Variants in IGF2R observed in about 807,000 individuals in gnomAD.
The protein encoded by IGF2R is insulin like growth factor 2 receptor.
Under a neutral mutation model 270.6 loss-of-function variants are expected in IGF2R, and 91 were observed. That is an observed-to-expected ratio of 0.34 (90% CI 0.28 to 0.40). The LOEUF is 0.40. Ranked by LOEUF, IGF2R falls within the 10% of genes least tolerant of loss-of-function variation. The probability of loss-of-function intolerance (pLI) is 1.00; values close to 1 mark genes in which losing one functional copy is unlikely to be tolerated. For missense variants in IGF2R, 2,805 were observed against 3,188.3 expected, an observed-to-expected ratio of 0.88 and a Z score of 2.90; for synonymous variants, 1,316 against 1,258.9, an observed-to-expected ratio of 1.05 and a Z score of -0.96.
chr6:160,109,666 T>C lies in IGF2R; in HGVS notation c.*4582T>C, dbSNP rs1384611078. 6.6e-6 allele frequency: 1 copy of C among 152,190 alleles called. No individual in the cohort carries two copies. The highest frequency in any genetic ancestry group is 1.5e-5 in the Non-Finnish European group (1 of 68,052). The allele number at this position is 152,190 out of a possible 1,614,324, so 9.4% of individuals were successfully genotyped here. ...TAGAGGAGCCTGTGATGGTCACGTG[T>C]TGCAGGTGATCATTGTGCCATTTGG... On this transcript the variant is annotated 3_prime_UTR_variant, in exon 48 of 48. Transcript: ENST00000356956.
chr6:160,018,426 A>C (rs1324973172), intron 4 of IGF2R, among the ~76,000 whole-genome samples: 1 of 152,188 alleles, frequency 6.6e-6, no homozygotes. Flanking sequence ...ACTGAGAAAG[A>C]AAATCAACAA....
intron 1 of IGF2R, among the ~76,000 whole-genome samples, chr6:159,979,035 CT>C (rs1208258633): frequency 6.6e-6 from 1 of 152,096 alleles, no homozygotes; most frequent in East Asian, 1.9e-4. Flanking sequence ...AAAAACTGGC[CT>C]TTGCAGTTGA....
Position 160,071,944 on chromosome 6 carries a change from A to G in IGF2R, c.4478A>G (p.Asp1493Gly). 1 of 1,614,070 alleles carries G rather than the reference A, an allele frequency of 6.2e-7. No homozygotes were observed. The highest frequency in any genetic ancestry group is 2.2e-5 in the East Asian group (1 of 44,856). ...SRPMFISAVE[D>G]CEYTFAWPTA... The stretch of plus-strand genomic sequence containing the variant: ...CCCATGTTCATCAGCGCCGTGGAGG[A>G]CTGTGAGTACACCTTTGCCTGGCCC... The change falls in exon 32 of 48, where the codon GAC (aspartate) becomes GGC (glycine). Residue 1493 changes from aspartate (D) to glycine (G), a missense_variant. Asp to Gly is a moderately conservative substitution (Grantham distance 94). Coordinates refer to ENST00000356956, the MANE Select transcript of IGF2R (RefSeq NM_000876.4).
chr6:160,018,264 A>G (rs1199049244), intron 4 of IGF2R, among the ~76,000 whole-genome samples: 2 of 152,180 alleles, frequency 1.3e-5, no homozygotes, highest in Non-Finnish European at 1.5e-5. Flanking sequence ...AAAAAAGGAA[A>G]AAGATGGTCA....
At chr6:159,996,143 T>C (rs1351224646) in intron 2 of IGF2R, among the ~76,000 whole-genome samples, 1 of 152,194 alleles carries the variant, frequency 6.6e-6, no homozygotes, top group Non-Finnish European at 1.5e-5. Flanking sequence ...ATGCTAGTGA[T>C]AGTAATGATG....
intron 11 of IGF2R, among the ~76,000 whole-genome samples, chr6:160,042,072 TCTACA>T (rs1777958271): frequency 1.3e-5 from 2 of 152,276 alleles, no homozygotes; most frequent in South Asian, 4.1e-4. Context: ...CATTTTTCAA[TCTACA>T]GACTTCCTGA....
chr6:160,104,445 G>A (rs1309216926), intron 47 of IGF2R, among the ~76,000 whole-genome samples: 1 of 151,832 alleles, frequency 6.6e-6, no homozygotes, highest in East Asian at 1.9e-4. Context: ...TGACCCCACT[G>A]CCACCCTCCC....
rs575674085 is a variant in IGF2R at position 160,012,222 on chromosome 6, C to G, written c.513+1437C>G. ...GTCAAATGTAAGCTTCATTTAAAAA[C>G]TTAGGTGAAGCTGTTAGATGACATA... On this transcript the variant is annotated intron_variant, in intron 4 of 47. Transcript: ENST00000356956. Among the ~76,000 whole-genome samples, 22 of 152,094 alleles carry G rather than the reference C, an allele frequency of 1.4e-4. 1 individual carries two copies. The highest frequency in any genetic ancestry group is 1.5e-4 in the Non-Finnish European group (10 of 67,994).
At chr6:160,042,745 G>A (rs754477308) in intron 11 of IGF2R, among the ~76,000 whole-genome samples, 7 of 152,214 alleles carry the variant, frequency 4.6e-5, no homozygotes, top group African/African-American at 1.4e-4. Context: ...CGAGCGGGGT[G>A]TATTAGCAAT....
chr6:160,064,608 G>A, intron 28 of IGF2R, 77 bp downstream of exon 28: 1 of 1,508,716 alleles, frequency 6.6e-7, no homozygotes, highest in Non-Finnish European at 9.1e-7. Context: ...GAAAGAATCT[G>A]TCCTCAGATC....
At chr6:160,037,988 G>A (rs749134668) in intron 10 of IGF2R, among the ~76,000 whole-genome samples, 7 of 152,176 alleles carry the variant, frequency 4.6e-5, no homozygotes, top group Admixed American at 2.0e-4. Flanking sequence ...GCTGGGAAAC[G>A]GAGTTTAGCT....
chr6:160,089,058 T>C, intron 42 of IGF2R, 49 bp from the exon 43 acceptor site: 1 of 1,587,288 alleles, frequency 6.3e-7, no homozygotes, highest in Non-Finnish European at 8.6e-7. Flanking sequence ...CAGTCTTCCC[T>C]TATGTCTGGC....
At chr6:160,002,427 T>C (rs1784144328) in intron 2 of IGF2R, among the ~76,000 whole-genome samples, 1 of 152,186 alleles carries the variant, frequency 6.6e-6, no homozygotes, top group East Asian at 1.9e-4. Flanking sequence ...GAGAAAATTA[T>C]GTTTATTATT....
intron 9 of IGF2R, among the ~76,000 whole-genome samples, chr6:160,033,595 GT>G (rs760373982): frequency 2.0e-5 from 3 of 152,212 alleles, no homozygotes; most frequent in Non-Finnish European, 4.4e-5. Flanking sequence ...ACAATCAAAT[GT>G]TTTTCCTGGC....
At chr6:160,070,309 CAG>C (rs1323150895) in intron 31 of IGF2R, among the ~76,000 whole-genome samples, 2 of 152,226 alleles carry the variant, frequency 1.3e-5, no homozygotes, top group Admixed American at 1.3e-4. Context: ...GAGTTTGACT[CAG>C]ACCCCTAAAG....
At position 160,064,398 on chromosome 6, in the gene IGF2R, C is replaced by T; in HGVS notation, c.3887-3C>T. 4 of 1,614,170 alleles carry T rather than the reference C, an allele frequency of 2.5e-6. No homozygotes were observed. The highest frequency in any genetic ancestry group is 3.4e-6 in the Non-Finnish European group (4 of 1,180,018). Reference sequence around the variant, plus strand: ...CCTTGTTTAATGTTCTCCTTCTTTACAGGTCTCCTGACTCAGAAGCTAACT... The same window carrying T: ...CCTTGTTTAATGTTCTCCTTCTTTATAGGTCTCCTGACTCAGAAGCTAACT... On this transcript the variant is annotated splice_region_variant and splice_polypyrimidine_tract_variant and intron_variant, in intron 27 of 47. Transcript: ENST00000356956.
At chr6:160,013,467 T>C (rs947489961) in intron 4 of IGF2R, among the ~76,000 whole-genome samples, 1 of 128,868 alleles carries the variant, frequency 7.8e-6, no homozygotes, top group Non-Finnish European at 1.7e-5. Flanking sequence ...GTTTTTGGGG[T>C]GGGAATGGGG....
intron 7 of IGF2R, 75 bp downstream of exon 7, chr6:160,029,730 T>C: frequency 9.6e-7 from 1 of 1,044,036 alleles, no homozygotes; most frequent in Non-Finnish European, 1.5e-6. Flanking sequence ...GTTTCTGGGC[T>C]TGGGGCAGGG....
chr6:160,062,426 C>A, intron 25 of IGF2R, 106 bp from the exon 26 acceptor site: 2 of 804,968 alleles, frequency 2.5e-6, no homozygotes, highest in Non-Finnish European at 4.3e-6. Flanking sequence ...CCCGTCTCGG[C>A]CTCCCAAAGT....
Sources: allele counts gnomAD v4.1 joint callset (sites outside exome capture counted in the v4.1 genomes callset), GRCh38; gene constraint gnomAD v4.1.1; transcripts MANE v1.5; gene names NCBI Gene and HGNC (gene_info 2026-07-23, HGNC 2026-07-21).